LRCH1: variants seen among roughly 807,000 people sequenced by gnomAD.
LRCH1 encodes leucine-rich repeat and calponin homology domain-containing protein 1.
In LRCH1, 23 loss-of-function variants were observed where a neutral mutation model predicts 94.9. The observed-to-expected ratio is 0.24, with a 90% CI of 0.17 to 0.34. The LOEUF (loss-of-function observed/expected upper bound fraction) is 0.34, where lower values mean the gene tolerates loss of function less well. Ranked by LOEUF, LRCH1 falls within the 10% of genes least tolerant of loss-of-function variation. The pLI is 1.00. For missense variants in LRCH1, 790 were observed against 945.9 expected, an observed-to-expected ratio of 0.84 and a Z score of 2.16; for synonymous variants, 364 against 354.9, an observed-to-expected ratio of 1.03 and a Z score of -0.29.
At chr13:46,666,807 C>G (rs150844102) in intron 2 of LRCH1, among the ~76,000 whole-genome samples, 1,851 of 152,236 alleles carry the variant, frequency 0.012, 29 homozygotes, top group South Asian at 0.072. Context: ...TTGAAAAAAG[C>G]CCTCACAGCA....
intron 19 of LRCH1, among the ~76,000 whole-genome samples, chr13:46,740,643 G>A (rs73193042): frequency 6.1e-4 from 93 of 152,264 alleles, no homozygotes; most frequent in Middle Eastern, 3.4e-3. Flanking sequence ...TAGATCACAC[G>A]TATTTTCAAT....
intron 3 of LRCH1, among the ~76,000 whole-genome samples, chr13:46,673,321 T>C (rs1210554049): frequency 6.6e-6 from 1 of 152,212 alleles, no homozygotes; most frequent in African/African-American, 2.4e-5. Flanking sequence ...CATTTACTTA[T>C]GAAGTTGGCA....
At chr13:46,730,873 C>G (rs1873067508) in intron 18 of LRCH1, among the ~76,000 whole-genome samples, 1 of 152,162 alleles carries the variant, frequency 6.6e-6, no homozygotes, top group East Asian at 1.9e-4. Flanking sequence ...CGTAAGAGGA[C>G]ATCATGAATT....
chr13:46,693,442 T>A (rs1871017046), intron 8 of LRCH1, among the ~76,000 whole-genome samples: 1 of 152,140 alleles, frequency 6.6e-6, no homozygotes, highest in Non-Finnish European at 1.5e-5. Flanking sequence ...GGACTGGGTC[T>A]GGAAGGAGTG....
rs189877656 is a variant in LRCH1, at chr13:46,714,488, C to T, written c.1655-1072C>T. On this transcript the variant is annotated intron_variant, in intron 15 of 19. Coordinates refer to ENST00000389797, the MANE Select transcript of LRCH1 (RefSeq NM_001164211.2). ...TCGAGTAGCTTTAGAATGCTTAAAGCCAATTAATTTTTATTTTGAAAGTAT... is the reference window on the plus strand; with the variant it reads ...TCGAGTAGCTTTAGAATGCTTAAAGTCAATTAATTTTTATTTTGAAAGTAT... Among the ~76,000 whole-genome samples the T allele has an allele frequency of 1.9e-3, 294 of 152,174 alleles. 1 individual carries two copies. Among genetic ancestry groups the T allele is most frequent in the African/African-American group, 6.7e-3 (277 of 41,516 alleles).
In LRCH1 at chr13:46,735,788, C is replaced by CTTTTTTTTTTT. The variant is rs1288570749; in HGVS notation, c.2085+1794_2085+1795insTTTTTTTTTTT. ...AGGTGATTTTCCTTTTTTTCTTTTT[C>CTTTTTTTTTTT]TTTTCTTTTTTTTTTTTTTTTCGAG... On this transcript the variant is annotated intron_variant, in intron 19 of 19. Transcript: ENST00000389797. Among the ~76,000 whole-genome samples the CTTTTTTTTTTT allele has an allele frequency of 2.3e-4, 16 of 69,908 alleles. 6 individuals carry two copies. Among genetic ancestry groups the CTTTTTTTTTTT allele is most frequent in the Non-Finnish European group, 3.3e-4 (12 of 36,092 alleles). The allele number at this position is 69,908 out of a possible 152,430, so 45.9% of individuals were successfully genotyped here. A position where few individuals can be genotyped will look rare whatever the true frequency, so the allele number is the denominator to read the frequency against.
chr13:46,704,044 A>G (rs574744961), intron 11 of LRCH1, among the ~76,000 whole-genome samples: 30 of 152,160 alleles, frequency 2.0e-4, no homozygotes, highest in African/African-American at 6.3e-4. Flanking sequence ...GGATTCTTTC[A>G]TTTTCTTTCT....
chr13:46,573,174 G>A (rs745663900), intron 1 of LRCH1, among the ~76,000 whole-genome samples: 13 of 152,048 alleles, frequency 8.5e-5, no homozygotes, highest in Non-Finnish European at 5.9e-5. Context: ...ATCATTAAAC[G>A]CTGAGAGAAA....
chr13:46,558,438 T>C (rs2050090007), intron 1 of LRCH1, among the ~76,000 whole-genome samples: 2 of 151,148 alleles, frequency 1.3e-5, no homozygotes. Context: ...AGACGTGGAG[T>C]AAGAACCTGA....
chr13:46,598,433 C>T (rs1462532497), intron 1 of LRCH1, among the ~76,000 whole-genome samples: 6 of 151,878 alleles, frequency 4.0e-5, no homozygotes, highest in Admixed American at 1.3e-4. Context: ...AGAAATTTTA[C>T]ATTTGTATGC....
Position 46,660,067 on chromosome 13 carries a change from A to G in LRCH1, c.453-8963A>G, listed in dbSNP as rs952602840. ...TTTTTTTTGAGACAGGCTGGAGTGC[A>G]GTGGCGCGATCTCTGCTCACTGCAA... On this transcript the variant is annotated intron_variant, in intron 2 of 19. Coordinates refer to ENST00000389797, the MANE Select transcript of LRCH1 (RefSeq NM_001164211.2). Among the ~76,000 whole-genome samples the G allele has an allele frequency of 1.6e-4, 16 of 101,016 alleles. No individual in the cohort carries two copies. The Admixed American group carries it at 2.1e-3, about 14-fold the overall frequency. The allele number at this position is 101,016 out of a possible 152,430, so 66.3% of individuals were successfully genotyped here. A position where few individuals can be genotyped will look rare whatever the true frequency, so the allele number is the denominator to read the frequency against.
Position 46,742,607 on chromosome 13 carries a change from T to A in LRCH1, c.*759T>A. The A allele has an allele frequency of 9.1e-6, 9 of 985,442 alleles. No individual in the cohort carries two copies. The highest frequency in any genetic ancestry group is 9.6e-6 in the Non-Finnish European group (8 of 829,934). 61.0% of individuals were successfully genotyped at this position (985,442 alleles called of 1,614,324 possible). ...TAAACACCAGTTTTTTACTGCTTAATTCCTTGTTAGGTCTTCTCTTGAGGC... is the reference window on the plus strand; with the variant it reads ...TAAACACCAGTTTTTTACTGCTTAAATCCTTGTTAGGTCTTCTCTTGAGGC... On this transcript the variant is annotated 3_prime_UTR_variant, in exon 20 of 20. Transcript: ENST00000389797.
chr13:46,690,449 A>T (rs1870837243), intron 7 of LRCH1, among the ~76,000 whole-genome samples: 1 of 152,102 alleles, frequency 6.6e-6, no homozygotes, highest in African/African-American at 2.4e-5. Context: ...AATTAAACAG[A>T]CTCTGCTTTA....
At chr13:46,695,583 A>T (rs1440522402) in intron 9 of LRCH1, among the ~76,000 whole-genome samples, 1 of 152,218 alleles carries the variant, frequency 6.6e-6, no homozygotes, top group African/African-American at 2.4e-5. Flanking sequence ...ACTGAAGCAG[A>T]TACTGAAGGT....
rs1341070736 is a variant in LRCH1, at chr13:46,669,031, C to A, written c.454C>A (p.Arg152=). 6.2e-7 allele frequency: 1 copy of A among 1,613,808 alleles called. No individual in the cohort carries two copies. The change falls in exon 3 of 20, where the codon CGA becomes AGA. Residue 152 remains arginine, a splice_region_variant and synonymous_variant. Coordinates refer to ENST00000389797, the MANE Select transcript of LRCH1 (RefSeq NM_001164211.2). ...LQMLTYLNLS[R]NQLSALPACL... The stretch of plus-strand genomic sequence containing the variant: ...GTTCTTGTTGTATTGTCTTTGCAGT[C>A]GAAATCAGCTGTCCGCCCTGCCTGC...
chr13:46,651,421 T>C (rs1165168555), intron 2 of LRCH1, among the ~76,000 whole-genome samples: 2 of 152,106 alleles, frequency 1.3e-5, no homozygotes, highest in Non-Finnish European at 2.9e-5. Context: ...CCCAGCACTT[T>C]GGGAGGCCGA....
At chr13:46,724,960 C>T (rs773299766) in intron 17 of LRCH1, among the ~76,000 whole-genome samples, 11 of 152,130 alleles carry the variant, frequency 7.2e-5, no homozygotes, top group East Asian at 1.9e-4. Flanking sequence ...AACCCAGGCT[C>T]GCATCAACAA....
downstream of LRCH1, among the ~76,000 whole-genome samples, chr13:46,747,696 T>C (rs889947823): frequency 9.9e-5 from 15 of 152,202 alleles, no homozygotes; most frequent in African/African-American, 3.6e-4. Flanking sequence ...TTAGTGTTTT[T>C]CCTACTGATT....
chr13:46,696,328 C>A (rs1446064891), intron 9 of LRCH1, among the ~76,000 whole-genome samples: 2 of 152,156 alleles, frequency 1.3e-5, no homozygotes, highest in East Asian at 3.9e-4. Flanking sequence ...CAGATTAGAC[C>A]CTATCTATCA....
Sources: gnomAD v4.1 joint callset for allele counts (sites outside exome capture counted in the v4.1 genomes callset) on GRCh38, gnomAD v4.1.1 for gene constraint, MANE v1.5 for transcripts, NCBI Gene and HGNC (gene_info 2026-07-23, HGNC 2026-07-21) for gene names.